GABPB1: variants seen among roughly 807,000 people sequenced by gnomAD.
The protein encoded by GABPB1 is GA-binding protein subunit beta-1.
A neutral mutation model predicts 45.9 loss-of-function variants in GABPB1; 15 were observed. The observed-to-expected ratio is 0.33, with a 90% CI of 0.22 to 0.50. The LOEUF (loss-of-function observed/expected upper bound fraction) is 0.50. GABPB1 is among the 20% of genes least tolerant of loss of function. The probability of loss-of-function intolerance (pLI) is 0.98; values close to 1 mark genes in which losing one functional copy is unlikely to be tolerated. For missense variants in GABPB1, 252 were observed against 457.5 expected (o/e 0.55, Z 4.10); for synonymous variants, 143 against 154.4 (o/e 0.93, Z 0.55).
chr15:50,302,852 C>A, intron 4 of GABPB1, 77 bp downstream of exon 4: 1 of 959,456 alleles, frequency 1.0e-6, no homozygotes, highest in Non-Finnish European at 1.6e-6. Flanking sequence ...TAGTTTAAAT[C>A]ATGCACAATA....
chr15:50,291,481 G>A (rs932688982), intron 6 of GABPB1, among the ~76,000 whole-genome samples: 1 of 150,804 alleles, frequency 6.6e-6, no homozygotes, highest in Non-Finnish European at 1.5e-5. Context: ...ACCACGCCTG[G>A]TAATTTTTTT....
At chr15:50,288,376 A>G (rs1179080998) in intron 7 of GABPB1, among the ~76,000 whole-genome samples, 1 of 152,068 alleles carries the variant, frequency 6.6e-6, no homozygotes, top group African/African-American at 2.4e-5. Flanking sequence ...TTTCTCAAAG[A>G]TTATGTGTGG....
At chr15:50,284,482 C>T (rs566475915) in intron 8 of GABPB1, among the ~76,000 whole-genome samples, 1 of 152,286 alleles carries the variant, frequency 6.6e-6, no homozygotes, top group East Asian at 1.9e-4. Flanking sequence ...ATCTCCTTGG[C>T]CCTAGTTACT....
intron 1 of GABPB1, among the ~76,000 whole-genome samples, chr15:50,324,306 G>A (rs185161350): frequency 6.6e-6 from 1 of 152,012 alleles, no homozygotes; most frequent in East Asian, 1.9e-4. Flanking sequence ...CACTGTTAAC[G>A]ACCTGCATTC....
Position 50,340,733 on chromosome 15 carries a change from C to T in GABPB1, c.-1+14252G>A, listed in dbSNP as rs2048328271. On this transcript the variant is annotated intron_variant, in intron 1 of 8. Transcript: ENST00000380877. Reference sequence around the variant, plus strand: ...TTCTCAAACTCCTAATGAGACCATGCATCTTTATCAAATGTTTGTTGGCCA... The same window carrying T: ...TTCTCAAACTCCTAATGAGACCATGTATCTTTATCAAATGTTTGTTGGCCA... 2.7e-5 allele frequency among the ~76,000 whole-genome samples: 4 copies of T among 146,032 alleles called. No individual in the cohort carries two copies. The South Asian group carries it at 8.8e-4, about 32-fold the overall frequency.
At position 50,278,526 on chromosome 15, in the gene GABPB1, T is replaced by C. The variant is rs548730448; in HGVS notation, c.*106A>G. On this transcript the variant is annotated 3_prime_UTR_variant, in exon 9 of 9. Coordinates refer to ENST00000380877, the MANE Select transcript of GABPB1 (RefSeq NM_016654.5). ...CTTAAGTCCAATTATCCATCTGTAG[T>C]CTCTTCTATCATTCTGTATTCCCAT... The C allele has an allele frequency of 2.3e-5, 18 of 784,640 alleles. No individual in the cohort carries two copies. In the African/African-American group the frequency reaches 3.0e-4, roughly 13 times the overall value. 48.6% of individuals were successfully genotyped at this position (784,640 alleles called of 1,614,324 possible).
intron 4 of GABPB1, 58 bp downstream of exon 4, chr15:50,302,871 C>T: frequency 4.5e-6 from 5 of 1,104,408 alleles, no homozygotes; most frequent in Non-Finnish European, 6.6e-6. Context: ...TATAAGAGAT[C>T]CCTCTACTGA....
At position 50,300,715 on chromosome 15, in the gene GABPB1, G is replaced by T; in HGVS notation, c.697+74C>A. 1.8e-5 allele frequency: 16 copies of T among 900,080 alleles called. 1 individual carries two copies. The South Asian group carries it at 2.1e-4, about 12-fold the overall frequency. 55.8% of individuals were successfully genotyped at this position (900,080 alleles called of 1,614,324 possible). A position where few individuals can be genotyped will look rare whatever the true frequency, so the allele number is the denominator to read the frequency against. On this transcript the variant is annotated intron_variant, in intron 6 of 8. Coordinates refer to ENST00000380877, the MANE Select transcript of GABPB1 (RefSeq NM_016654.5). ...CCGCCTCGCCCTCCCAAAGTGCTAG[G>T]ATTACAGGTGTGAGCCACGGCACCC...
At chr15:50,342,851 A>G (rs1220137032) in intron 1 of GABPB1, among the ~76,000 whole-genome samples, 2 of 152,238 alleles carry the variant, frequency 1.3e-5, no homozygotes, top group Non-Finnish European at 2.9e-5. Context: ...AACAAGTTGT[A>G]GTAGTCAAAG....
At chr15:50,320,553 G>A (rs1435241671) in intron 1 of GABPB1, among the ~76,000 whole-genome samples, 1 of 152,162 alleles carries the variant, frequency 6.6e-6, no homozygotes, top group African/African-American at 2.4e-5. Context: ...AGTGTGACAG[G>A]CTGAATAATG....
intron 1 of GABPB1, chr15:50,349,007 T>C (rs1012971744): frequency 5.3e-5 from 8 of 152,202 alleles, no homozygotes; most frequent in African/African-American, 1.9e-4. Flanking sequence ...CATGAAAAGA[T>C]GTTTTAATAT....
At chr15:50,303,324 G>A (rs1240520145) in intron 3 of GABPB1, among the ~76,000 whole-genome samples, 2 of 152,178 alleles carry the variant, frequency 1.3e-5, no homozygotes, top group African/African-American at 4.8e-5. Context: ...CGAGGCGGTT[G>A]GATCAGCTGA....
At chr15:50,318,689 G>C (rs1297285561) in intron 1 of GABPB1, among the ~76,000 whole-genome samples, 2 of 152,190 alleles carry the variant, frequency 1.3e-5, no homozygotes, top group Non-Finnish European at 2.9e-5. Flanking sequence ...AGAGTTCCAG[G>C]AAGGAGGTCT....
chr15:50,276,227 T>A lies in GABPB1; in HGVS notation c.*2405A>T, dbSNP rs1281586326. 6.6e-6 allele frequency: 1 copy of A among 152,228 alleles called. No individual in the cohort carries two copies. Among genetic ancestry groups the A allele is most frequent in the Admixed American group, 6.5e-5 (1 of 15,286 alleles). The allele number at this position is 152,228 out of a possible 1,614,324, so 9.4% of individuals were successfully genotyped here. A position where few individuals can be genotyped will look rare whatever the true frequency, so the allele number is the denominator to read the frequency against. ...TGGATTTCTGAAAACTTTTATTTCA[T>A]ATACTTTTATTTTTGTCAGTTCTTT... On this transcript the variant is annotated 3_prime_UTR_variant, in exon 9 of 9. Coordinates refer to ENST00000380877, the MANE Select transcript of GABPB1 (RefSeq NM_016654.5).
At chr15:50,318,169 CAAGTAAA>C (rs1485174430) in intron 1 of GABPB1, among the ~76,000 whole-genome samples, 1 of 152,072 alleles carries the variant, frequency 6.6e-6, no homozygotes, top group Non-Finnish European at 1.5e-5. Flanking sequence ...GCAGAGGAAG[CAAGTAAA>C]AAGTAAAAAG....
At chr15:50,305,301 TAGAG>T (rs1172102899) in intron 2 of GABPB1, among the ~76,000 whole-genome samples, 7 of 148,136 alleles carry the variant, frequency 4.7e-5, no homozygotes, top group African/African-American at 7.7e-5. Flanking sequence ...TATCTATAGA[TAGAG>T]AGATAGATAT....
intron 1 of GABPB1, among the ~76,000 whole-genome samples, chr15:50,316,918 C>T (rs2047351781): frequency 6.6e-6 from 1 of 152,056 alleles, no homozygotes; most frequent in East Asian, 1.9e-4. Flanking sequence ...CAACTCCACC[C>T]ATTGTTTTCA....
At chr15:50,349,874 G>A (rs999018961) in intron 1 of GABPB1, 1 of 152,030 alleles carries the variant, frequency 6.6e-6, no homozygotes, top group Non-Finnish European at 1.5e-5. Context: ...ATTTGGATAA[G>A]CAAAAAGAAA....
At chr15:50,324,968 T>C (rs972222638) in intron 1 of GABPB1, among the ~76,000 whole-genome samples, 12 of 152,046 alleles carry the variant, frequency 7.9e-5, no homozygotes, top group Admixed American at 7.9e-4. Flanking sequence ...TATGAGTAGG[T>C]TGTTTCTTGT....
Sources: allele counts gnomAD v4.1 joint callset (sites outside exome capture counted in the v4.1 genomes callset), GRCh38; gene constraint gnomAD v4.1.1; transcripts MANE v1.5; gene names NCBI Gene and HGNC (gene_info 2026-07-23, HGNC 2026-07-21).